The following TNNT3 variants were observed in gnomAD, a reference collection of about 807,000 sequenced individuals.
The protein encoded by TNNT3 is troponin T, fast skeletal muscle.
Under a neutral mutation model 54.2 loss-of-function variants are expected in TNNT3, and 36 were observed. The ratio of observed to expected loss-of-function variants is 0.66; its 90% confidence interval spans 0.51 to 0.88. TNNT3 has a LOEUF of 0.88. Among genes scored for constraint, TNNT3 ranks in the 40% least tolerant of loss-of-function variants. TNNT3 has a pLI of 0.00. For missense variants in TNNT3, 291 were observed against 331.6 expected (o/e 0.88, Z 0.95); for synonymous variants, 120 against 109.7 (o/e 1.09, Z -0.59).
At chr11:1,922,939 C>T (rs750733563) in intron 2 of TNNT3, 48 bp downstream of exon 2, 1 of 1,613,634 alleles carries the variant, frequency 6.2e-7, no homozygotes, top group Non-Finnish European at 8.5e-7. Context: ...GGGACCCTGG[C>T]CCCTTGGCTT....
intron 14 of TNNT3, 100 bp from the exon 15 acceptor site, chr11:1,936,863 C>CACTTGCTTCCCATTTGCAGCAGCAAGAA: frequency 7.8e-7 from 1 of 1,277,560 alleles, no homozygotes; most frequent in Non-Finnish European, 1.1e-6. Flanking sequence ...AGCCCTGGGT[C>CACTTGCTTCCCATTTGCAGCAGCAAGAA]GCGCAGCCCA....
chr11:1,933,895 G>T, intron 10 of TNNT3, 36 bp from the exon 11 acceptor site: 1 of 1,612,618 alleles, frequency 6.2e-7, no homozygotes, highest in Non-Finnish European at 8.5e-7. Flanking sequence ...GAGGAGCCGG[G>T]GACAGGGCTG....
rs1284905831 is a variant in TNNT3 at position 1,922,874 on chromosome 11, C to T, written c.-1C>T. 1.5e-5 allele frequency: 25 copies of T among 1,613,372 alleles called. No homozygotes were observed. Among genetic ancestry groups the T allele is most frequent in the Non-Finnish European group, 1.9e-5 (23 of 1,180,000 alleles). On this transcript the variant is annotated 5_prime_UTR_variant, in exon 2 of 16. Coordinates refer to ENST00000278317, the MANE Select transcript of TNNT3 (RefSeq NM_006757.4). ...CTCTGCAGAAACCACCCACCTTCAC[C>T]ATGTCTGACGAGGAAGTGTGAGTAC...
intron 7 of TNNT3, among the ~76,000 whole-genome samples, chr11:1,929,425 C>T (rs1852658334): frequency 6.6e-6 from 1 of 152,186 alleles, no homozygotes; most frequent in African/African-American, 2.4e-5. Context: ...CCGGGCCGGG[C>T]ACGCCCCCCT....
chr11:1,920,827 CCCAGCACACCCCTGCCA>C (rs1849934362), intron 1 of TNNT3, among the ~76,000 whole-genome samples: 2 of 152,076 alleles, frequency 1.3e-5, no homozygotes, highest in Non-Finnish European at 2.9e-5. Flanking sequence ...CACCCCTGCC[CCCAGCACACCCCTGCCA>C]CCAGCCCCTC....
chr11:1,932,175 G>A (rs557671220), intron 8 of TNNT3, among the ~76,000 whole-genome samples: 11 of 152,372 alleles, frequency 7.2e-5, no homozygotes, highest in African/African-American at 2.6e-4. Context: ...AAACAGAGGT[G>A]CCCTCCCTGG....
At chr11:1,925,380 AC>A in intron 5 of TNNT3, 1 of 1,384,538 alleles carries the variant, frequency 7.2e-7, no homozygotes. Context: ...GCCACGAGGT[AC>A]CAGCCAGCCA....
intron 14 of TNNT3, 38 bp downstream of exon 14, chr11:1,934,957 C>T: frequency 6.3e-7 from 1 of 1,590,852 alleles, no homozygotes; most frequent in Non-Finnish European, 8.6e-7. Context: ...GCCCTAGCGG[C>T]TTTCACCCAC....
chr11:1,922,334 G>A (rs576583736), intron 1 of TNNT3, among the ~76,000 whole-genome samples: 1 of 152,254 alleles, frequency 6.6e-6, no homozygotes, highest in African/African-American at 2.4e-5. Flanking sequence ...CATGGGGAAT[G>A]GTAGGGTGAG....
At chr11:1,919,936 C>T (rs1849711485) in intron 1 of TNNT3, among the ~76,000 whole-genome samples, 174 bp downstream of exon 1, 1 of 152,182 alleles carries the variant, frequency 6.6e-6, no homozygotes, top group Non-Finnish European at 1.5e-5. Flanking sequence ...GGTGGCTGCT[C>T]CAGCGTCCGG....
intron 13 of TNNT3, 25 bp downstream of exon 13, chr11:1,934,680 C>G: frequency 1.2e-6 from 2 of 1,602,984 alleles, no homozygotes; most frequent in African/African-American, 2.7e-5. Flanking sequence ...TTGTGGGGCT[C>G]AGCCCCACGG....
intron 8 of TNNT3, among the ~76,000 whole-genome samples, chr11:1,931,876 T>G (rs920209422): frequency 2.0e-5 from 3 of 152,126 alleles, no homozygotes; most frequent in Non-Finnish European, 2.9e-5. Flanking sequence ...TTCTATGGTT[T>G]GTTGGAAAAA....
chr11:1,929,099 G>C (rs1852501609), intron 6 of TNNT3, 21 bp from the exon 7 acceptor site: 3 of 1,613,198 alleles, frequency 1.9e-6, no homozygotes, highest in African/African-American at 1.3e-5. Flanking sequence ...ATGTGTGCTT[G>C]TGCCTTTTGC....
chr11:1,924,783 C>T (rs1851044749), intron 4 of TNNT3: 1 of 568,496 alleles, frequency 1.8e-6, no homozygotes, highest in Non-Finnish European at 3.2e-6. Flanking sequence ...ACAAGGGCCC[C>T]CGTGCACAGG....
At chr11:1,927,051 C>T (rs1189117687) in intron 6 of TNNT3, among the ~76,000 whole-genome samples, 1 of 152,160 alleles carries the variant, frequency 6.6e-6, no homozygotes, top group Non-Finnish European at 1.5e-5. Context: ...CCACTGGGAC[C>T]CTCTGGATCC....
In TNNT3 at chr11:1,929,136, C is replaced by T. The variant is rs752603163; in HGVS notation, c.99C>T (p.Asp33=). The T allele has an allele frequency of 2.5e-5, 41 of 1,612,966 alleles. No individual in the cohort carries two copies. The highest frequency in any genetic ancestry group is 1.2e-4 in the Admixed American group (7 of 60,006). The part of the protein sequence containing the change: ...EEVQEDTAEE[D]AEEEKPRPKL... ...ACCTGGAAGACACCGCAGAGGAGGA[C>T]GCGGAAGGTAAGGGCCCGTCCCTGC... The change falls in exon 7 of 16, where the codon GAC becomes GAT. Residue 33 remains aspartate, a synonymous_variant. Transcript: ENST00000278317.
intron 14 of TNNT3, chr11:1,936,178 G>A (rs375458836): frequency 2.0e-4 from 323 of 1,613,392 alleles, no homozygotes; most frequent in Middle Eastern, 3.3e-4. Context: ...TGCCCCAGCC[G>A]CCCATCCAGC....
chr11:1,937,364 G>T (rs977309771), intron 15 of TNNT3, among the ~76,000 whole-genome samples: 2 of 152,124 alleles, frequency 1.3e-5, no homozygotes, highest in African/African-American at 4.8e-5. Context: ...TGGGCCCCAG[G>T]GTATCCCGCC....
chr11:1,921,943 C>T (rs532453498), intron 1 of TNNT3, among the ~76,000 whole-genome samples: 19 of 152,312 alleles, frequency 1.2e-4, no homozygotes, highest in African/African-American at 3.8e-4. Flanking sequence ...GCGCCACCAC[C>T]GCACATGGAC....
Sources: gnomAD v4.1 joint callset for allele counts (sites outside exome capture counted in the v4.1 genomes callset) on GRCh38, gnomAD v4.1.1 for gene constraint, MANE v1.5 for transcripts, NCBI Gene and HGNC (gene_info 2026-07-23, HGNC 2026-07-21) for gene names.